The following ACSF3 variants were observed in gnomAD, a reference collection of about 807,000 sequenced individuals.
ACSF3 encodes the protein acyl-CoA synthetase family member 3, also known as malonate--CoA ligase ACSF3, mitochondrial.
A neutral mutation model predicts 53.2 loss-of-function variants in ACSF3; 78 were observed. The observed-to-expected ratio is 1.47, with a 90% confidence interval of 1.22 to 1.77. The LOEUF is 1.77. ACSF3 is among the 40% of genes most tolerant of loss of function. The pLI is 0.00. For synonymous variants in ACSF3, 414 were observed against 333.1 expected, an observed-to-expected ratio of 1.24 and a Z score of -2.65; for missense variants, 937 against 771.1, an observed-to-expected ratio of 1.22 and a Z score of -2.55.
rs1202549979 is a variant in ACSF3 at position 89,141,321 on chromosome 16, G to A, written c.1367-3946G>A. On this transcript the variant is annotated intron_variant, in intron 8 of 10. Coordinates refer to ENST00000614302, the MANE Select transcript of ACSF3 (RefSeq NM_001243279.3). The stretch of plus-strand genomic sequence containing the variant: ...GTCTGGGAATGGGCAGGGAGATGTC[G>A]ACCCTCGGAGCTGAGACTGCTCTGT... The A allele has an allele frequency of 9.4e-6, 12 of 1,282,082 alleles. 1 individual carries two copies. Among genetic ancestry groups the A allele is most frequent in the East Asian group, 5.6e-5 (1 of 18,002 alleles). The allele number at this position is 1,282,082 out of a possible 1,614,324, so 79.4% of individuals were successfully genotyped here.
At chr16:89,124,935 C>T (rs1010176297) in intron 7 of ACSF3, among the ~76,000 whole-genome samples, 82 of 152,318 alleles carry the variant, frequency 5.4e-4, no homozygotes, top group Middle Eastern at 3.4e-3. Context: ...ATTCCTCTAC[C>T]GACACCACAT....
At chr16:89,113,981 G>A (rs1259227029) in intron 5 of ACSF3, 4 of 362,250 alleles carry the variant, frequency 1.1e-5, no homozygotes, top group African/African-American at 2.1e-5. Flanking sequence ...CTCCGTGGTC[G>A]GCAGCTGCAC....
Position 89,098,679 on chromosome 16 carries a change from C to T in ACSF3, c.-105C>T, listed in dbSNP as rs1275513882. The T allele has an allele frequency of 2.2e-6, 1 of 454,006 alleles. No individual in the cohort carries two copies. The highest frequency in any genetic ancestry group is 2.0e-5 in the African/African-American group (1 of 50,008). 28.1% of individuals were successfully genotyped at this position (454,006 alleles called of 1,614,324 possible). On this transcript the variant is annotated 5_prime_UTR_variant, in exon 2 of 11. Coordinates refer to ENST00000614302, the MANE Select transcript of ACSF3 (RefSeq NM_001243279.3). ...TTGCATTGCCTGCACCTTATCGTGC[C>T]CTTCCACCTGCTGAAGCAGCTGTGC... is the stretch of plus-strand genomic sequence containing the variant.
At chr16:89,100,300 C>G (rs1597884090) in intron 2 of ACSF3, among the ~76,000 whole-genome samples, 1 of 152,280 alleles carries the variant, frequency 6.6e-6, no homozygotes, top group Non-Finnish European at 1.5e-5. Flanking sequence ...TTCCCCCTCT[C>G]ACGGGTGGTT....
intron 10 of ACSF3, chr16:89,150,792 C>A: frequency 2.7e-6 from 1 of 367,472 alleles, no homozygotes; most frequent in Non-Finnish European, 5.2e-6. Flanking sequence ...CTGTACCTGG[C>A]CCACAGCTAC....
At chr16:89,124,166 T>C (rs1347388327) in intron 7 of ACSF3, among the ~76,000 whole-genome samples, 1 of 151,854 alleles carries the variant, frequency 6.6e-6, no homozygotes, top group Non-Finnish European at 1.5e-5. Context: ...CACACACACA[T>C]ACACATTGTG....
chr16:89,136,585 G>T, intron 8 of ACSF3: 1 of 1,281,400 alleles, frequency 7.8e-7, no homozygotes, highest in Non-Finnish European at 1.0e-6. Context: ...ATAAGCCGGC[G>T]GGCACAGGGG....
rs1029838296 is a variant in ACSF3 at position 89,093,932 on chromosome 16, C to T, written c.-258C>T. The T allele has an allele frequency of 6.1e-6, 2 of 326,516 alleles. No homozygotes were observed. Among genetic ancestry groups the T allele is most frequent in the African/African-American group, 2.2e-5 (1 of 44,784 alleles). 20.2% of individuals were successfully genotyped at this position (326,516 alleles called of 1,614,324 possible). On this transcript the variant is annotated 5_prime_UTR_variant, in exon 1 of 11. Coordinates refer to ENST00000614302, the MANE Select transcript of ACSF3 (RefSeq NM_001243279.3). Reference sequence around the variant, plus strand: ...ACCCGGCCCGACCCCGGCGCGCGCGCGGCGGAGGACGAGGAAGAGTTGTGG... The same window carrying T: ...ACCCGGCCCGACCCCGGCGCGCGCGTGGCGGAGGACGAGGAAGAGTTGTGG...
In ACSF3 at chr16:89,146,893, C is replaced by T. The variant is rs75689321; in HGVS notation, c.1613+844C>T. On this transcript the variant is annotated intron_variant, in intron 10 of 10. Coordinates refer to ENST00000614302, the MANE Select transcript of ACSF3 (RefSeq NM_001243279.3). The stretch of plus-strand genomic sequence containing the variant: ...ATGGCCTTGTCAAAGGCCGTCAGGA[C>T]GGAAGGGTATCCCATAGGACCGTCA... Among the ~76,000 whole-genome samples the T allele has an allele frequency of 8.9e-3, 1,362 of 152,220 alleles. 22 individuals carry two copies. The highest frequency in any genetic ancestry group is 0.031 in the African/African-American group (1,290 of 41,528).
At position 89,123,999 on chromosome 16, in the gene ACSF3, C is replaced by T. The variant is rs932291842; in HGVS notation, c.1239+3086C>T. Among the ~76,000 whole-genome samples the T allele has an allele frequency of 3.0e-5, 4 of 132,134 alleles. No homozygotes were observed. The Admixed American group carries it at 3.2e-4, about 11-fold the overall frequency. 86.7% of individuals were successfully genotyped at this position (132,134 alleles called of 152,430 possible). A position where few individuals can be genotyped will look rare whatever the true frequency, so the allele number is the denominator to read the frequency against. ...GTACGCATGGGTATCACATGCAGTGCACACACAGGTATCACACGCACGCAG... is the reference window on the plus strand; with the variant it reads ...GTACGCATGGGTATCACATGCAGTGTACACACAGGTATCACACGCACGCAG... On this transcript the variant is annotated intron_variant, in intron 7 of 10. Coordinates refer to ENST00000614302, the MANE Select transcript of ACSF3 (RefSeq NM_001243279.3).
intron 6 of ACSF3, among the ~76,000 whole-genome samples, chr16:89,119,385 C>T (rs561532714): frequency 2.5e-4 from 38 of 152,306 alleles, no homozygotes; most frequent in African/African-American, 7.9e-4. Flanking sequence ...AAACCACGGA[C>T]GCGGACAGCA....
In ACSF3 at chr16:89,145,324, ACAT is replaced by A; in HGVS notation, c.1430_1432del (p.Ile477del). ...TGGATCCGAGGCCGGACCTCAGTGGACATCATCAAGACTGGAGGCTACAAGGTC... is the reference window on the plus strand; with the variant it reads ...TGGATCCGAGGCCGGACCTCAGTGGACATCAAGACTGGAGGCTACAAGGTC... On this transcript the variant is annotated inframe_deletion, in exon 9 of 11. Transcript: ENST00000614302. The A allele has an allele frequency of 1.2e-6, 2 of 1,614,182 alleles. No individual in the cohort carries two copies. The highest frequency in any genetic ancestry group is 1.7e-6 in the Non-Finnish European group (2 of 1,180,032).
Position 89,112,214 on chromosome 16 carries a change from T to C in ACSF3, c.945T>C (p.Asp315=), listed in dbSNP as rs1976775540. ...ATTTTACCCAGCCGCACGCCCAGGA[T>C]TTCTTGCGTGCAGTTTGTGAAGAAA... is the stretch of plus-strand genomic sequence containing the variant. ...DRHFTQPHAQ[D]FLRAVCEEKI... The change falls in exon 5 of 11, where the codon GAT becomes GAC. Residue 315 remains aspartate (D), a synonymous_variant. Transcript: ENST00000614302. 1.2e-6 allele frequency: 2 copies of C among 1,614,194 alleles called. No homozygotes were observed. The highest frequency in any genetic ancestry group is 2.7e-5 in the African/African-American group (2 of 75,044).
chr16:89,102,763 A>T lies in ACSF3; in HGVS notation c.822+4A>T, dbSNP rs1028729009. On this transcript the variant is annotated splice_donor_region_variant and intron_variant, in intron 4 of 10. Coordinates refer to ENST00000614302, the MANE Select transcript of ACSF3 (RefSeq NM_001243279.3). ...GCCTGAGTTCAGCCCTCAGCAGGTG[A>T]GTTGGGGTCAGGGCTCTCGGTTGCA... The T allele has an allele frequency of 6.2e-7, 1 of 1,611,648 alleles. No homozygotes were observed. The highest frequency in any genetic ancestry group is 8.5e-7 in the Non-Finnish European group (1 of 1,179,762).
Position 89,145,281 on chromosome 16 carries a change from T to A in ACSF3, c.1381T>A (p.Phe461Ile). The change falls in exon 9 of 11, where the codon TTT becomes ATT. Residue 461 changes from phenylalanine to isoleucine, a missense_variant. Transcript: ENST00000614302. ...GWFKTGDTVVFKDGQYWIRGR... is the reference protein window; with the variant it reads ...GWFKTGDTVVIKDGQYWIRGR... ...CTTTTCCTCAGGGGACACCGTGGTG[T>A]TTAAGGATGGCCAGTACTGGATCCG... The A allele has an allele frequency of 6.2e-7, 1 of 1,613,902 alleles. No individual in the cohort carries two copies. The highest frequency in any genetic ancestry group is 8.5e-7 in the Non-Finnish European group (1 of 1,179,958).
chr16:89,132,916 C>G (rs181769955), intron 7 of ACSF3, among the ~76,000 whole-genome samples: 50 of 152,368 alleles, frequency 3.3e-4, no homozygotes, highest in African/African-American at 1.0e-3. Context: ...GGCCAGGGCA[C>G]CAGGGCCCAC....
rs1040179959 is a variant in ACSF3 at position 89,098,768 on chromosome 16, G to A, written c.-21+5G>A. On this transcript the variant is annotated splice_donor_5th_base_variant and intron_variant, in intron 2 of 10. Transcript: ENST00000614302. Reference sequence around the variant, plus strand: ...TCTCTCTGGCTCGGGAGCTGGGTGAGTTTGAACTTGGCCTCCTTTGCTTTT... The same window carrying A: ...TCTCTCTGGCTCGGGAGCTGGGTGAATTTGAACTTGGCCTCCTTTGCTTTT... 8.8e-6 allele frequency: 4 copies of A among 454,170 alleles called. No individual in the cohort carries two copies. In the Admixed American group the frequency reaches 9.4e-5, roughly 11 times the overall value. The allele number at this position is 454,170 out of a possible 1,614,324, so 28.1% of individuals were successfully genotyped here. A position where few individuals can be genotyped will look rare whatever the true frequency, so the allele number is the denominator to read the frequency against.
chr16:89,131,380 C>G (rs1016090560), intron 7 of ACSF3, among the ~76,000 whole-genome samples: 1 of 152,056 alleles, frequency 6.6e-6, no homozygotes, highest in African/African-American at 2.4e-5. Context: ...CCCGCCTCAG[C>G]CTCCCAAAGT....
intron 5 of ACSF3, chr16:89,113,750 C>T (rs996882355): frequency 5.7e-5 from 11 of 194,614 alleles, no homozygotes; most frequent in Admixed American, 2.1e-4. Flanking sequence ...TCTCAGGGCC[C>T]GTGTTCTCCT....
Sources: allele counts gnomAD v4.1 joint callset (sites outside exome capture counted in the v4.1 genomes callset), GRCh38; gene constraint gnomAD v4.1.1; transcripts MANE v1.5; gene names NCBI Gene and HGNC (gene_info 2026-07-23, HGNC 2026-07-21).